The following BANP variants were observed in gnomAD, a reference collection of about 807,000 sequenced individuals.
BANP encodes the protein BTG3 associated nuclear protein, also known as protein BANP.
BANP carries 11 observed loss-of-function variants against 68.1 expected under a neutral mutation model. That is an observed-to-expected ratio of 0.16 (90% CI 0.10 to 0.27). The LOEUF (loss-of-function observed/expected upper bound fraction) is 0.27, where lower values mean the gene tolerates loss of function less well. Among genes scored for constraint, BANP ranks in the 10% least tolerant of loss-of-function variants. The probability of loss-of-function intolerance (pLI) is 1.00; values close to 1 mark genes in which losing one functional copy is unlikely to be tolerated. For synonymous variants in BANP, 329 were observed against 303.2 expected (o/e 1.09, Z -0.88); for missense variants, 504 against 722.7 (o/e 0.70, Z 3.47).
chr16:88,028,113 G>A (rs1353516927), intron 8 of BANP, among the ~76,000 whole-genome samples: 1 of 152,240 alleles, frequency 6.6e-6, no homozygotes, highest in African/African-American at 2.4e-5. Flanking sequence ...GGCATCGCTG[G>A]GGGGATTGTT....
At chr16:88,075,815 C>T (rs1362325130) in intron 13 of BANP, among the ~76,000 whole-genome samples, 1 of 145,898 alleles carries the variant, frequency 6.9e-6, no homozygotes, top group African/African-American at 2.5e-5. Flanking sequence ...GGTGCAATCT[C>T]GACTCACTGC....
rs547269559 is a variant in BANP, at chr16:88,076,157, G to A, written c.1522-433G>A. 1.4e-3 allele frequency among the ~76,000 whole-genome samples: 208 copies of A among 152,324 alleles called. 1 individual carries two copies. The highest frequency in any genetic ancestry group is 2.3e-3 in the Non-Finnish European group (155 of 68,022). Reference sequence around the variant, plus strand: ...TTGAGGGAAGAATCATAGCTGCCCCGAAAATCCTTTGTTGAAACATTGGGA... The same window carrying A: ...TTGAGGGAAGAATCATAGCTGCCCCAAAAATCCTTTGTTGAAACATTGGGA... On this transcript the variant is annotated intron_variant, in intron 13 of 13. Transcript: ENST00000682872.
intron 1 of BANP, among the ~76,000 whole-genome samples, chr16:87,962,319 A>G (rs1432218047): frequency 2.0e-5 from 3 of 152,124 alleles, no homozygotes; most frequent in Non-Finnish European, 4.4e-5. Flanking sequence ...TTATAGCAAC[A>G]GAAAACGGAG....
intron 4 of BANP, 76 bp downstream of exon 4, chr16:87,984,335 G>A: frequency 7.4e-7 from 1 of 1,346,172 alleles, no homozygotes; most frequent in African/African-American, 1.5e-5. Context: ...CAGGCCCGCA[G>A]CTTAGTGGCT....
chr16:87,959,113 G>A (rs890369667), intron 1 of BANP, among the ~76,000 whole-genome samples: 9 of 152,324 alleles, frequency 5.9e-5, no homozygotes, highest in Non-Finnish European at 8.8e-5. Context: ...GGGATGGCAC[G>A]CTTTTCTGTG....
At chr16:88,066,809 CCGCTCCCAGCGGTGCGGG>C (rs1253431178) in intron 12 of BANP, among the ~76,000 whole-genome samples, 3 of 152,166 alleles carry the variant, frequency 2.0e-5, no homozygotes. Context: ...CTTCAAAACG[CCGCTCCCAGCGGTGCGGG>C]CGCTCCCTCT....
intron 11 of BANP, among the ~76,000 whole-genome samples, chr16:88,061,487 T>A (rs1291929770): frequency 6.6e-6 from 1 of 152,192 alleles, no homozygotes; most frequent in Non-Finnish European, 1.5e-5. Context: ...TGATTTGGTT[T>A]GTGAAAAGCA....
rs777301306 is a variant in BANP, at chr16:88,035,403, G to C, written c.1272+9G>C. On this transcript the variant is annotated intron_variant, in intron 10 of 13. Coordinates refer to ENST00000682872, the MANE Select transcript of BANP (RefSeq NM_001386991.1). ...TCACGCAGGACAGCGAGGTGAGTCA[G>C]CTCTCGCTGCAGCACTGTCCCTGCA... 3.1e-6 allele frequency: 5 copies of C among 1,602,076 alleles called. No homozygotes were observed. The highest frequency in any genetic ancestry group is 2.3e-5 in the East Asian group (1 of 44,314).
In BANP at chr16:87,967,311, G is replaced by C. The variant is rs899915228; in HGVS notation, c.-68-7737G>C. On this transcript the variant is annotated intron_variant, in intron 1 of 13. Coordinates refer to ENST00000682872, the MANE Select transcript of BANP (RefSeq NM_001386991.1). ...TTTAGTAGAGACGGGGTTTCACCCT[G>C]TTAGCCAGGCCGCTCTCCAACTCTG... 2.5e-4 allele frequency among the ~76,000 whole-genome samples: 33 copies of C among 130,694 alleles called. 1 individual carries two copies. Among genetic ancestry groups the C allele is most frequent in the African/African-American group, 9.2e-4 (32 of 34,776 alleles). The allele number at this position is 130,694 out of a possible 152,430, so 85.7% of individuals were successfully genotyped here.
intron 13 of BANP, among the ~76,000 whole-genome samples, chr16:88,073,503 G>T (rs4843789): frequency 0.27 from 40,537 of 152,166 alleles, 6,602 homozygotes; most frequent in African/African-American, 0.46. Context: ...CTGGAGATGC[G>T]CTGGAAGCAC....
At chr16:87,995,083 C>G (rs917766882) in intron 4 of BANP, among the ~76,000 whole-genome samples, 1 of 152,300 alleles carries the variant, frequency 6.6e-6, no homozygotes, top group African/African-American at 2.4e-5. Context: ...AAGGTGCATC[C>G]TGTTTTTAAA....
intron 8 of BANP, among the ~76,000 whole-genome samples, chr16:88,029,420 T>G (rs375994693): frequency 6.8e-6 from 1 of 147,952 alleles, no homozygotes; most frequent in Admixed American, 6.8e-5. Flanking sequence ...CCATCCTGGC[T>G]AACACGGTGA....
chr16:87,983,984 C>G, intron 3 of BANP, 76 bp from the exon 4 acceptor site: 1 of 1,483,558 alleles, frequency 6.7e-7, no homozygotes, highest in Non-Finnish European at 9.0e-7. Context: ...CAGGAAATAG[C>G]TGTTTGGTGT....
Position 88,018,897 on chromosome 16 carries a change from C to T in BANP, c.895+230C>T, listed in dbSNP as rs2075218151. On this transcript the variant is annotated intron_variant, in intron 7 of 13. Transcript: ENST00000682872. The surrounding 1 kb of genome is among the most constrained non-coding windows in gnomAD (Gnocchi z 7.7). ...CACCAAAATACCTCATATACCCCAT[C>T]ATATATATACCTACTGTGTACCCTT... Among the ~76,000 whole-genome samples, 1 of 152,182 alleles carries T rather than the reference C, an allele frequency of 6.6e-6. No individual in the cohort carries two copies. The highest frequency in any genetic ancestry group is 2.1e-4 in the South Asian group (1 of 4,828).
At chr16:88,047,234 G>A (rs542196554) in intron 11 of BANP, among the ~76,000 whole-genome samples, 15 of 152,156 alleles carry the variant, frequency 9.9e-5, no homozygotes, top group Admixed American at 4.6e-4. Context: ...GTCACGTAAC[G>A]CAGGACACCA....
Position 88,004,196 on chromosome 16 carries a change from C to A in BANP, c.363-99C>A. 1.3e-6 allele frequency: 1 copy of A among 769,190 alleles called. No homozygotes were observed. The allele number at this position is 769,190 out of a possible 1,614,324, so 47.6% of individuals were successfully genotyped here. ...CTTAGGCCTCCCCCTCAGTGCGGGT[C>A]CCTGGGAGTGGACTGTGTTGAATGA... On this transcript the variant is annotated intron_variant, in intron 4 of 13. Transcript: ENST00000682872. The surrounding 1 kb of genome is among the most constrained non-coding windows in gnomAD (Gnocchi z 7.0).
At position 88,004,446 on chromosome 16, in the gene BANP, C is replaced by T; in HGVS notation, c.479+35C>T. 1 of 1,209,438 alleles carries T rather than the reference C, an allele frequency of 8.3e-7. No homozygotes were observed. The highest frequency in any genetic ancestry group is 1.2e-6 in the Non-Finnish European group (1 of 852,130). The allele number at this position is 1,209,438 out of a possible 1,614,324, so 74.9% of individuals were successfully genotyped here. On this transcript the variant is annotated intron_variant, in intron 5 of 13. Coordinates refer to ENST00000682872, the MANE Select transcript of BANP (RefSeq NM_001386991.1). The surrounding 1 kb of genome is among the most constrained non-coding windows in gnomAD (Gnocchi z 7.0). Reference sequence around the variant, plus strand: ...ACGGCACCAACCCCACCTTTCCCTGCCACTGTGCGGAGTCCCATGAGAATA... The same window carrying T: ...ACGGCACCAACCCCACCTTTCCCTGTCACTGTGCGGAGTCCCATGAGAATA...
chr16:88,039,541 T>C lies in BANP; in HGVS notation c.1311+1530T>C, dbSNP rs2080241964. ...AGGCACGTCACCTTCGACATTCCCT[T>C]GTTCCTGTCTCTACCCCTGAACAAA... On this transcript the variant is annotated intron_variant, in intron 11 of 13. Coordinates refer to ENST00000682872, the MANE Select transcript of BANP (RefSeq NM_001386991.1). 8.4e-5 allele frequency among the ~76,000 whole-genome samples: 12 copies of C among 143,608 alleles called. 1 individual carries two copies. In the Admixed American group the frequency reaches 8.5e-4, roughly 10 times the overall value. 94.2% of individuals were successfully genotyped at this position (143,608 alleles called of 152,430 possible).
At chr16:87,984,798 G>A (rs770741035) in intron 4 of BANP, among the ~76,000 whole-genome samples, 6 of 152,214 alleles carry the variant, frequency 3.9e-5, no homozygotes, top group African/African-American at 7.2e-5. Flanking sequence ...CCACTCATCC[G>A]AGGCTTCCTG....
Sources: allele counts gnomAD v4.1 joint callset (sites outside exome capture counted in the v4.1 genomes callset), GRCh38; gene constraint gnomAD v4.1.1; non-coding constraint Gnocchi (gnomAD v3.1); transcripts MANE v1.5; gene names NCBI Gene and HGNC (gene_info 2026-07-23, HGNC 2026-07-21).